The following SCP2 variants were observed in gnomAD, a reference collection of about 807,000 sequenced individuals.
SCP2 encodes the protein sterol carrier protein 2, also known as SCP-2/3-oxoacyl-CoA thiolase.
Under a neutral mutation model 71.4 loss-of-function variants are expected in SCP2, and 48 were observed. The ratio of observed to expected loss-of-function variants is 0.67; its 90% CI spans 0.53 to 0.86. The LOEUF (loss-of-function observed/expected upper bound fraction) is 0.86. Ranked by LOEUF, SCP2 falls within the 40% of genes least tolerant of loss-of-function variation. The pLI is 0.00. For synonymous variants in SCP2, 220 were observed against 218.1 expected (o/e 1.01, Z -0.08); for missense variants, 560 against 655.6 (o/e 0.85, Z 1.59).
intron 11 of SCP2, among the ~76,000 whole-genome samples, chr1:53,014,220 T>C (rs6681542): frequency 0.084 from 12,715 of 152,074 alleles, 977 homozygotes; most frequent in Admixed American, 0.2. Context: ...AGAACATTCT[T>C]AACCCAGCTC....
chr1:52,935,252 G>A (rs572986212), intron 1 of SCP2, among the ~76,000 whole-genome samples: 1 of 150,726 alleles, frequency 6.6e-6, no homozygotes, highest in African/African-American at 2.4e-5. Flanking sequence ...GGCAACAAGA[G>A]CAAAACTCCG....
intron 13 of SCP2, among the ~76,000 whole-genome samples, chr1:53,030,316 T>TTAAA (rs1289082159): frequency 3.5e-4 from 54 of 152,198 alleles, no homozygotes; most frequent in African/African-American, 1.3e-3. Context: ...AAATTTCCTG[T>TTAAA]TGCACTCATA....
intron 11 of SCP2, among the ~76,000 whole-genome samples, chr1:52,998,609 TG>T (rs59710328): frequency 0.14 from 20,648 of 152,130 alleles, 2,016 homozygotes; most frequent in East Asian, 0.32. Context: ...CGCACGTCTG[TG>T]GTCCCAGCTA....
chr1:52,937,536 G>T (rs1043969134), intron 1 of SCP2, among the ~76,000 whole-genome samples: 14 of 152,110 alleles, frequency 9.2e-5, no homozygotes, highest in Non-Finnish European at 1.5e-4. Context: ...CCTTAAAAAG[G>T]TTTCTGTAAT....
At chr1:53,028,814 C>T (rs1232303223) in intron 13 of SCP2, among the ~76,000 whole-genome samples, 1 of 152,128 alleles carries the variant, frequency 6.6e-6, no homozygotes, top group East Asian at 1.9e-4. Flanking sequence ...CTTGCTCTGT[C>T]ACCCAGGCTG....
chr1:53,044,079 A>T (rs1183021474), intron 14 of SCP2, among the ~76,000 whole-genome samples: 3 of 150,110 alleles, frequency 2.0e-5, no homozygotes, highest in African/African-American at 7.4e-5. Context: ...TTTTTTTGAG[A>T]TGGAGTCTCA....
In SCP2 at chr1:53,015,012, C is replaced by G; in HGVS notation, c.1204C>G (p.Leu402Val). 1 of 1,614,180 alleles carries G rather than the reference C, an allele frequency of 6.2e-7. No homozygotes were observed. The highest frequency in any genetic ancestry group is 8.5e-7 in the Non-Finnish European group (1 of 1,180,014). Residue 402 changes from leucine to valine, a missense_variant, in exon 12 of 16, where the codon CTC (leucine) becomes GTC (valine). Leu to Val is a conservative substitution (Grantham distance 32). Transcript: ENST00000371514. ...CATTGGAGGAGCTGTGGTTGTAACA[C>G]TCTACAAGATGGGTTTTCCGGAAGC... ...LGIGGAVVVT[L>V]YKMGFPEAAS... is the part of the protein sequence containing the mutation.
chr1:52,993,744 A>T (rs1659717667), intron 11 of SCP2: 1 of 1,603,296 alleles, frequency 6.2e-7, no homozygotes, highest in African/African-American at 1.3e-5. Context: ...ATGATTGAAG[A>T]CTCCTGCATG....
intron 1 of SCP2, 29 bp from the exon 2 acceptor site, chr1:52,941,767 G>A: frequency 7.0e-7 from 1 of 1,427,538 alleles, no homozygotes; most frequent in Non-Finnish European, 9.9e-7. Flanking sequence ...ATACTTGTTT[G>A]TATTTATTAT....
intron 14 of SCP2, among the ~76,000 whole-genome samples, chr1:53,044,167 C>T (rs1663628150): frequency 1.3e-5 from 2 of 152,048 alleles, no homozygotes; most frequent in Non-Finnish European, 2.9e-5. Flanking sequence ...AAGCGATTCT[C>T]CTGCCTCAGC....
chr1:52,954,860 A>G (rs1655652772), intron 5 of SCP2, 56 bp downstream of exon 5: 1 of 1,238,128 alleles, frequency 8.1e-7, no homozygotes, highest in South Asian at 1.2e-5. Flanking sequence ...AAAAGTTGAA[A>G]GGTGATACTT....
intron 5 of SCP2, among the ~76,000 whole-genome samples, chr1:52,955,313 A>G (rs1468033331): frequency 3.9e-5 from 6 of 152,240 alleles, no homozygotes; most frequent in Admixed American, 2.6e-4. Flanking sequence ...CTGATCAGGC[A>G]GCTGTGAGCC....
rs1661588016 is a variant in SCP2 at position 53,019,764 on chromosome 1, ATC to A, written c.1235+4723_1235+4724del. On this transcript the variant is annotated intron_variant, in intron 12 of 15. Transcript: ENST00000371514. The stretch of plus-strand genomic sequence containing the variant: ...ACGCAATAATCTTAATGTGATGTAT[ATC>A]TGTTTCCATACTCATGTAGCCACCA... 2.0e-5 allele frequency among the ~76,000 whole-genome samples: 3 copies of A among 152,378 alleles called. No individual in the cohort carries two copies. In the South Asian group the frequency reaches 6.2e-4, roughly 32 times the overall value.
chr1:52,995,007 A>G (rs988879085), intron 11 of SCP2: 45 of 507,780 alleles, frequency 8.9e-5, no homozygotes, highest in African/African-American at 7.6e-4. Flanking sequence ...TTTTTGGTCA[A>G]TCTGGGGCAG....
chr1:52,957,168 AAAGT>A (rs1271821737), intron 5 of SCP2, among the ~76,000 whole-genome samples: 145 of 152,292 alleles, frequency 9.5e-4, no homozygotes, highest in Non-Finnish European at 1.6e-3. Context: ...TCGGCCTCCC[AAAGT>A]GCTGGGATTA....
intron 11 of SCP2, chr1:52,995,478 C>T (rs1572160524): frequency 6.9e-6 from 3 of 431,928 alleles, no homozygotes; most frequent in Admixed American, 5.6e-5. Context: ...AGTTGGCAGT[C>T]AAACTGGTGC....
chr1:52,938,714 C>T (rs1460524509), intron 1 of SCP2, among the ~76,000 whole-genome samples: 1 of 152,182 alleles, frequency 6.6e-6, no homozygotes, highest in Non-Finnish European at 1.5e-5. Context: ...CCCTATCCCT[C>T]CATATATAGC....
rs11552387 is a variant in SCP2 at position 53,028,012 on chromosome 1, G to C, written c.1279G>C (p.Ala427Pro). Residue 427 changes from alanine to proline, a missense_variant, in exon 13 of 16, where the codon GCA (alanine) becomes CCA (proline). Coordinates refer to ENST00000371514, the MANE Select transcript of SCP2 (RefSeq NM_002979.5). ...AATTGAAGCTGTTCCAACCAGCTCTGCAAGTGATGGATTTAAGGCAAATCT... is the reference window on the plus strand; with the variant it reads ...AATTGAAGCTGTTCCAACCAGCTCTCCAAGTGATGGATTTAAGGCAAATCT... The part of the protein sequence containing the change: ...HQIEAVPTSS[A>P]SDGFKANLVF... 1.2e-6 allele frequency: 2 copies of C among 1,612,078 alleles called. No individual in the cohort carries two copies. The highest frequency in any genetic ancestry group is 1.7e-6 in the Non-Finnish European group (2 of 1,178,270).
chr1:52,956,844 A>G (rs890974531), intron 5 of SCP2, among the ~76,000 whole-genome samples: 5 of 151,794 alleles, frequency 3.3e-5, no homozygotes, highest in Non-Finnish European at 7.4e-5. Flanking sequence ...AAATTCATCC[A>G]TAATCCCATA....
Sources: allele counts gnomAD v4.1 joint callset (sites outside exome capture counted in the v4.1 genomes callset), GRCh38; gene constraint gnomAD v4.1.1; transcripts MANE v1.5; gene names NCBI Gene and HGNC (gene_info 2026-07-23, HGNC 2026-07-21).